DCC: variants seen among roughly 807,000 people sequenced by gnomAD.
DCC encodes the protein DCC netrin 1 receptor.
DCC carries 58 observed loss-of-function variants against 172.5 expected under a neutral mutation model. The ratio of observed to expected loss-of-function variants is 0.34; its 90% confidence interval spans 0.27 to 0.42. The LOEUF is 0.42. Ranked by LOEUF, DCC falls within the 10% of genes least tolerant of loss-of-function variation. The probability of loss-of-function intolerance (pLI) is 1.00; values close to 1 mark genes in which losing one functional copy is unlikely to be tolerated. For synonymous variants in DCC, 709 were observed against 644.5 expected, an observed-to-expected ratio of 1.10 and a Z score of -1.52; for missense variants, 1,740 against 1,791.0, an observed-to-expected ratio of 0.97 and a Z score of 0.51.
At chr18:52,438,604 A>G (rs17754793) in intron 1 of DCC, among the ~76,000 whole-genome samples, 1,687 of 152,326 alleles carry the variant, frequency 0.011, 72 homozygotes, top group East Asian at 0.072. Flanking sequence ...CACTTATATA[A>G]ACAAGAAACT....
At chr18:52,620,436 A>C (rs2034457561) in intron 1 of DCC, among the ~76,000 whole-genome samples, 1 of 152,192 alleles carries the variant, frequency 6.6e-6, no homozygotes, top group Non-Finnish European at 1.5e-5. Context: ...AACAGGTTTA[A>C]ATTAACCCAT....
intron 5 of DCC, among the ~76,000 whole-genome samples, chr18:53,023,132 T>A (rs575695633): frequency 1.3e-5 from 2 of 151,950 alleles, no homozygotes; most frequent in African/African-American, 2.4e-5. Context: ...TAATAATAAA[T>A]GTACCATAGT....
chr18:52,635,844 C>T (rs925185543), intron 1 of DCC, among the ~76,000 whole-genome samples: 2 of 152,098 alleles, frequency 1.3e-5, no homozygotes, highest in African/African-American at 4.8e-5. Context: ...TCACCGTGAA[C>T]GGGAGCCAGG....
chr18:53,092,492 TATATC>T (rs1055099106), intron 7 of DCC, among the ~76,000 whole-genome samples: 2 of 152,206 alleles, frequency 1.3e-5, no homozygotes, highest in Admixed American at 1.3e-4. Flanking sequence ...ATATAAAATA[TATATC>T]ATAACATATG....
intron 7 of DCC, among the ~76,000 whole-genome samples, chr18:53,116,550 A>G (rs2043411690): frequency 6.6e-6 from 1 of 151,716 alleles, no homozygotes; most frequent in African/African-American, 2.4e-5. Context: ...CCTCTGTCTT[A>G]ACTAGGATAG....
intron 8 of DCC, among the ~76,000 whole-genome samples, chr18:53,172,775 C>CT (rs905749940): frequency 5.3e-5 from 8 of 152,180 alleles, no homozygotes; most frequent in African/African-American, 1.7e-4. Context: ...GACCTCATGT[C>CT]TTTTACCCAA....
chr18:53,466,785 C>G (rs573864391), intron 24 of DCC, among the ~76,000 whole-genome samples: 204 of 152,278 alleles, frequency 1.3e-3, no homozygotes, highest in African/African-American at 4.7e-3. Flanking sequence ...TTTGGCCTCC[C>G]AAAGTGCTGG....
intron 1 of DCC, among the ~76,000 whole-genome samples, chr18:52,585,944 G>T (rs914709854): frequency 1.3e-5 from 2 of 152,074 alleles, no homozygotes; most frequent in African/African-American, 4.8e-5. Context: ...TTAGCTGGGA[G>T]TCTTGGCGGG....
At chr18:52,398,475 T>G (rs558184222) in intron 1 of DCC, among the ~76,000 whole-genome samples, 1 of 152,126 alleles carries the variant, frequency 6.6e-6, no homozygotes, top group East Asian at 1.9e-4. Flanking sequence ...TAACTTTTTA[T>G]GCGTATAAAC....
chr18:52,462,718 A>G (rs1240157522), intron 1 of DCC, among the ~76,000 whole-genome samples: 2 of 151,476 alleles, frequency 1.3e-5, no homozygotes, highest in African/African-American at 4.9e-5. Flanking sequence ...CCCCTTGCCT[A>G]CTTCCCTACA....
intron 7 of DCC, among the ~76,000 whole-genome samples, chr18:53,090,719 AAAAAAAAAAAAAAAAG>A (rs1555709720): frequency 1.5e-5 from 2 of 136,864 alleles, no homozygotes; most frequent in Admixed American, 7.4e-5. Flanking sequence ...AAAAAAAAAA[AAAAAAAAAAAAAAAAG>A]AATGTATCGT....
At chr18:52,632,322 T>C (rs906693043) in intron 1 of DCC, among the ~76,000 whole-genome samples, 1 of 152,186 alleles carries the variant, frequency 6.6e-6, no homozygotes, top group Non-Finnish European at 1.5e-5. Flanking sequence ...TCCTCAGTTG[T>C]TAACACAATA....
intron 1 of DCC, among the ~76,000 whole-genome samples, chr18:52,675,671 A>G (rs552849011): frequency 6.6e-6 from 1 of 152,302 alleles, no homozygotes; most frequent in South Asian, 2.1e-4. Context: ...AAACAAAAGA[A>G]AGATTGTTTT....
At chr18:52,466,922 TG>T (rs1178774471) in intron 1 of DCC, among the ~76,000 whole-genome samples, 1 of 152,154 alleles carries the variant, frequency 6.6e-6, no homozygotes, top group African/African-American at 2.4e-5. Context: ...ATAACCAACT[TG>T]CCCAAGCTTA....
At chr18:52,960,451 A>C (rs1482335149) in intron 5 of DCC, among the ~76,000 whole-genome samples, 1 of 152,108 alleles carries the variant, frequency 6.6e-6, no homozygotes, top group Non-Finnish European at 1.5e-5. Context: ...TCTCTACTTT[A>C]CTAATTGACA....
At chr18:52,894,131 A>G (rs770676757) in intron 2 of DCC, among the ~76,000 whole-genome samples, 1 of 152,040 alleles carries the variant, frequency 6.6e-6, no homozygotes, top group Non-Finnish European at 1.5e-5. Context: ...GCCATAGTCC[A>G]CCATTTCTGA....
chr18:53,202,150 C>T (rs2055547097), intron 9 of DCC, among the ~76,000 whole-genome samples: 1 of 152,112 alleles, frequency 6.6e-6, no homozygotes, highest in South Asian at 2.1e-4. Context: ...TGTCTTTATA[C>T]CATTCCCCAC....
chr18:52,377,865 A>G (rs550908010), intron 1 of DCC, among the ~76,000 whole-genome samples: 3 of 151,692 alleles, frequency 2.0e-5, no homozygotes, highest in African/African-American at 7.3e-5. Context: ...CACCGCCACT[A>G]ATTTTTGTAT....
chr18:52,993,328 T>C (rs1264792265), intron 5 of DCC, among the ~76,000 whole-genome samples: 2 of 152,086 alleles, frequency 1.3e-5, no homozygotes, highest in Non-Finnish European at 2.9e-5. Flanking sequence ...ACTAGAACAT[T>C]TGGCAAAGGT....
Sources: gnomAD v4.1 joint callset for allele counts (sites outside exome capture counted in the v4.1 genomes callset) on GRCh38, gnomAD v4.1.1 for gene constraint, MANE v1.5 for transcripts, NCBI Gene and HGNC (gene_info 2026-07-23, HGNC 2026-07-21) for gene names.